Variants in TFDP1 observed in about 807,000 individuals in gnomAD.
The protein encoded by TFDP1 is transcription factor Dp-1.
A neutral mutation model predicts 48.0 loss-of-function variants in TFDP1; 6 were observed. That is an observed-to-expected ratio of 0.13 (90% CI 0.07 to 0.25). The LOEUF is 0.25. Among genes scored for constraint, TFDP1 ranks in the 10% least tolerant of loss-of-function variants. The pLI, the probability that TFDP1 is intolerant of heterozygous loss-of-function variation, is 1.00. For missense variants in TFDP1, 335 were observed against 543.0 expected, an observed-to-expected ratio of 0.62 and a Z score of 3.81; for synonymous variants, 201 against 211.6, an observed-to-expected ratio of 0.95 and a Z score of 0.44.
At position 113,623,018 on chromosome 13, in the gene TFDP1, G is replaced by A. The variant is rs946408473; in HGVS notation, c.80-162G>A. Among the ~76,000 whole-genome samples the A allele has an allele frequency of 6.6e-6, 1 of 152,276 alleles. No individual in the cohort carries two copies. Among genetic ancestry groups the A allele is most frequent in the African/African-American group, 2.4e-5 (1 of 41,476 alleles). ...CTTACGGGTTTACATTGGGAATCAA[G>A]CTTCATGGAGGTGTTGCTCTTGAGC... On this transcript the variant is annotated intron_variant, in intron 3 of 11. Transcript: ENST00000375370. The surrounding 1 kb of genome is among the most constrained non-coding windows in gnomAD (Gnocchi z 5.2).
chr13:113,628,293 AAGACTGTGTCTGGAGCCATGT>A (rs1378235867), intron 4 of TFDP1, among the ~76,000 whole-genome samples: 4 of 151,918 alleles, frequency 2.6e-5, no homozygotes, highest in African/African-American at 7.3e-5. Context: ...GAGCCGTGTA[AAGACTGTGTCTGGAGCCATGT>A]AGACTGTGTC....
At chr13:113,613,530 AGTGT>A (rs538020296) in intron 3 of TFDP1, among the ~76,000 whole-genome samples, 3 of 148,680 alleles carry the variant, frequency 2.0e-5, no homozygotes, top group Non-Finnish European at 4.4e-5. Flanking sequence ...TGTGTGCATG[AGTGT>A]GTGTGAGGAA....
chr13:113,631,463 C>T (rs970137223), intron 4 of TFDP1, among the ~76,000 whole-genome samples, 160 bp from the exon 5 acceptor site: 2 of 152,132 alleles, frequency 1.3e-5, no homozygotes, highest in African/African-American at 4.8e-5. Flanking sequence ...GTCACCGTGA[C>T]AAAAGCGTCC....
intron 3 of TFDP1, among the ~76,000 whole-genome samples, chr13:113,622,523 C>T (rs1169025083): frequency 6.6e-6 from 1 of 152,214 alleles, no homozygotes; most frequent in African/African-American, 2.4e-5. Context: ...CCGCTGATGC[C>T]AGTTTTTGAA....
chr13:113,631,906 G>C, intron 5 of TFDP1, 162 bp downstream of exon 5: 2 of 1,009,874 alleles, frequency 2.0e-6, no homozygotes, highest in Non-Finnish European at 1.4e-6. Flanking sequence ...GCCTGCACAG[G>C]TGTGCAGCCG....
chr13:113,597,064 A>T (rs1001704973), intron 2 of TFDP1, among the ~76,000 whole-genome samples: 2 of 151,266 alleles, frequency 1.3e-5, no homozygotes, highest in Non-Finnish European at 2.9e-5. Context: ...CCCTCTGGAT[A>T]CCCCCTGTCT....
At chr13:113,593,239 C>T (rs1277953922) in intron 2 of TFDP1, among the ~76,000 whole-genome samples, 2 of 131,166 alleles carry the variant, frequency 1.5e-5, no homozygotes, top group African/African-American at 3.0e-5. Context: ...GTGCTGTGCA[C>T]GCGTCCTCAG....
intron 2 of TFDP1, among the ~76,000 whole-genome samples, chr13:113,596,795 A>C (rs1386111574): frequency 6.6e-6 from 1 of 152,232 alleles, no homozygotes; most frequent in African/African-American, 2.4e-5. Flanking sequence ...GCCAGTCCCC[A>C]TCCCAGGCTG....
intron 3 of TFDP1, among the ~76,000 whole-genome samples, chr13:113,614,110 G>A (rs969772018): frequency 1.5e-4 from 22 of 150,182 alleles, no homozygotes; most frequent in Non-Finnish European, 3.1e-4. Context: ...GCATATGCAC[G>A]TGTGAGTTGA....
Position 113,636,531 on chromosome 13 carries a change from C to T in TFDP1, c.840-3C>T, listed in dbSNP as rs2049493977. ...TCTTTCTGACTGTGCCTTTCCCCTTCAGATTTGAGTATCTGTTTAATTTTG... is the reference window on the plus strand; with the variant it reads ...TCTTTCTGACTGTGCCTTTCCCCTTTAGATTTGAGTATCTGTTTAATTTTG... On this transcript the variant is annotated splice_polypyrimidine_tract_variant and splice_region_variant and intron_variant, in intron 9 of 11. Coordinates refer to ENST00000375370, the MANE Select transcript of TFDP1 (RefSeq NM_007111.5). The T allele has an allele frequency of 3.7e-6, 6 of 1,613,330 alleles. No individual in the cohort carries two copies. Among genetic ancestry groups the T allele is most frequent in the Non-Finnish European group, 5.1e-6 (6 of 1,179,906 alleles).
intron 11 of TFDP1, 66 bp downstream of exon 11, chr13:113,637,962 C>T (rs886856112): frequency 1.3e-6 from 2 of 1,576,914 alleles, no homozygotes; most frequent in Non-Finnish European, 8.6e-7. Flanking sequence ...GGGGCCAAGG[C>T]AGGGCAGCCG....
Position 113,627,038 on chromosome 13 carries a change from T to C in TFDP1, c.186+3752T>C, listed in dbSNP as rs2049198177. ...TCGGGTGGAGTTTGTCATTGCTGTT[T>C]TGTGCTTTGCAAAATCCCAGTGATG... On this transcript the variant is annotated intron_variant, in intron 4 of 11. Transcript: ENST00000375370. The surrounding 1 kb of genome is among the most constrained non-coding windows in gnomAD (Gnocchi z 4.1). 6.6e-6 allele frequency among the ~76,000 whole-genome samples: 1 copy of C among 152,236 alleles called. No individual in the cohort carries two copies. The highest frequency in any genetic ancestry group is 1.5e-5 in the Non-Finnish European group (1 of 68,036).
Position 113,636,603 on chromosome 13 carries a change from G to A in TFDP1, c.909G>A (p.Met303Ile), listed in dbSNP as rs1156615709. Residue 303 changes from methionine (M) to isoleucine (I), a missense_variant, in exon 10 of 12, where the codon ATG becomes ATA. Physicochemically the swap from Met to Ile is conservative, Grantham distance 10. Around this residue, in one of 3 missense-constraint regions of TFDP1, gnomAD observed 204 missense variants for 287.1 expected, o/e 0.71. Transcript: ENST00000375370. ...IHDDIEVLKR[M>I]GMACGLESGS... ...ATGACATAGAAGTGCTGAAGCGGATGGGCATGGCTTGCGGGCTGGAGTCGG... is the reference window on the plus strand; with the variant it reads ...ATGACATAGAAGTGCTGAAGCGGATAGGCATGGCTTGCGGGCTGGAGTCGG... 1 of 1,614,214 alleles carries A rather than the reference G, an allele frequency of 6.2e-7. No homozygotes were observed. Among genetic ancestry groups the A allele is most frequent in the Non-Finnish European group, 8.5e-7 (1 of 1,180,048 alleles).
At chr13:113,621,213 G>A (rs761245736) in intron 3 of TFDP1, among the ~76,000 whole-genome samples, 4 of 152,220 alleles carry the variant, frequency 2.6e-5, no homozygotes, top group Non-Finnish European at 4.4e-5. Flanking sequence ...GCGGATGGGC[G>A]GCCGTCCGGG....
At chr13:113,629,863 G>T (rs1047040959) in intron 4 of TFDP1, among the ~76,000 whole-genome samples, 1 of 152,226 alleles carries the variant, frequency 6.6e-6, no homozygotes, top group Non-Finnish European at 1.5e-5. Flanking sequence ...AAGATCCAGT[G>T]CCTTGCGTGG....
rs2049225759 is a variant in TFDP1 at position 113,627,908 on chromosome 13, C to G, written c.187-3715C>G. The stretch of plus-strand genomic sequence containing the variant: ...GGTGGGGGATCGCTGCTTTAAACAC[C>G]AAGGCTCACTGTGCAGCCAGTGAGG... On this transcript the variant is annotated intron_variant, in intron 4 of 11. Coordinates refer to ENST00000375370, the MANE Select transcript of TFDP1 (RefSeq NM_007111.5). This position sits in a 1 kb window ranked among gnomAD's most constrained non-coding sequence, Gnocchi z 4.1. Among the ~76,000 whole-genome samples, 1 of 152,144 alleles carries G rather than the reference C, an allele frequency of 6.6e-6. No homozygotes were observed. The highest frequency in any genetic ancestry group is 2.4e-5 in the African/African-American group (1 of 41,434).
intron 2 of TFDP1, among the ~76,000 whole-genome samples, chr13:113,601,798 G>C (rs1272160569): frequency 1.3e-5 from 2 of 152,240 alleles, no homozygotes; most frequent in Non-Finnish European, 2.9e-5. Flanking sequence ...GGAGTTGATG[G>C]GGGAGCAGAC....
chr13:113,594,120 C>G (rs369537942), intron 2 of TFDP1, among the ~76,000 whole-genome samples: 81 of 136,310 alleles, frequency 5.9e-4, no homozygotes, highest in African/African-American at 2.4e-3. Context: ...GTCCTCAGCC[C>G]TGCCCAGGTG....
chr13:113,587,343 G>C (rs1234175386), intron 2 of TFDP1, among the ~76,000 whole-genome samples: 1 of 152,144 alleles, frequency 6.6e-6, no homozygotes, highest in Admixed American at 6.5e-5. Flanking sequence ...CTGAGTTGGG[G>C]GTTGGCGCTG....
Sources: gnomAD v4.1 joint callset for allele counts (sites outside exome capture counted in the v4.1 genomes callset) on GRCh38, gnomAD v4.1.1 for gene constraint, gnomAD v4.1.1 regional missense constraint, Gnocchi (gnomAD v3.1) non-coding constraint, MANE v1.5 for transcripts, NCBI Gene and HGNC (gene_info 2026-07-23, HGNC 2026-07-21) for gene names.